The following HMGXB4 variants were observed in gnomAD, a reference collection of about 807,000 sequenced individuals.
The protein encoded by HMGXB4 is HMG-box containing 4.
A neutral mutation model predicts 63.9 loss-of-function variants in HMGXB4; 27 were observed. The observed-to-expected ratio is 0.42, with a 90% CI of 0.31 to 0.58. HMGXB4 has a LOEUF of 0.58. Among genes scored for constraint, HMGXB4 ranks in the 20% least tolerant of loss-of-function variants. The pLI, the probability that HMGXB4 is intolerant of heterozygous loss-of-function variation, is 0.13. For missense variants in HMGXB4, 624 were observed against 700.7 expected (o/e 0.89, Z 1.24); for synonymous variants, 264 against 265.3 (o/e 0.99, Z 0.05).
At chr22:35,276,470 T>C (rs574189740) in intron 5 of HMGXB4, among the ~76,000 whole-genome samples, 45 of 152,344 alleles carry the variant, frequency 3.0e-4, no homozygotes, top group South Asian at 1.0e-3. Context: ...ATATCTCCTG[T>C]CCCACTCACT....
At chr22:35,274,242 A>G (rs1173476378) in intron 5 of HMGXB4, among the ~76,000 whole-genome samples, 1 of 152,222 alleles carries the variant, frequency 6.6e-6, no homozygotes, top group East Asian at 1.9e-4. Flanking sequence ...AGGAATTATC[A>G]GGTGGAAAAT....
At position 35,265,318 on chromosome 22, in the gene HMGXB4, T is replaced by G. The variant is rs1923148261; in HGVS notation, c.930T>G (p.Asp310Glu). 6.2e-7 allele frequency: 1 copy of G among 1,613,752 alleles called. No individual in the cohort carries two copies. The highest frequency in any genetic ancestry group is 1.3e-5 in the African/African-American group (1 of 74,858). ...TAGAGGCTGGGGAGTTAGTGATAGATGATTCTTACCGAGAAATCAAGAAGA... is the reference window on the plus strand; with the variant it reads ...TAGAGGCTGGGGAGTTAGTGATAGAGGATTCTTACCGAGAAATCAAGAAGA... ...GELEAGELVI[D>E]DSYREIKKKK... Residue 310 changes from aspartate to glutamate, a missense_variant, in exon 5 of 11, where the codon GAT becomes GAG. By Grantham distance (45) the Asp-to-Glu change is conservative. Around this residue, in one of 2 missense-constraint regions of HMGXB4, gnomAD observed 472 missense variants for 470.6 expected, o/e 1.00. Transcript: ENST00000216106.
upstream of HMGXB4, among the ~76,000 whole-genome samples, chr22:35,254,518 G>T (rs1922310201): frequency 6.6e-6 from 1 of 152,236 alleles, no homozygotes; most frequent in Admixed American, 6.5e-5. Context: ...CTGTTTTAAA[G>T]AACAAGCTGT....
intron 1 of HMGXB4, chr22:35,262,097 C>T: frequency 5.7e-6 from 2 of 353,906 alleles, no homozygotes; most frequent in Non-Finnish European, 1.0e-5. Flanking sequence ...TATATACTTC[C>T]CCAAATGACA....
intron 5 of HMGXB4, among the ~76,000 whole-genome samples, chr22:35,282,263 A>G (rs2179050): frequency 0.57 from 86,596 of 151,878 alleles, 26,515 homozygotes; most frequent in Non-Finnish European, 0.69. Context: ...TGCAAGCTCC[A>G]CCTCCCGGGT....
At chr22:35,250,469 T>C in the HMGXB4 span, among the ~76,000 whole-genome samples, 1 of 152,110 alleles carries the variant, frequency 6.6e-6, no homozygotes, top group African/African-American at 2.4e-5. Context: ...TATGCATATC[T>C]AGAGAGAGAA....
chr22:35,275,110 C>CTTT (rs59290559), intron 5 of HMGXB4, among the ~76,000 whole-genome samples: 11 of 103,540 alleles, frequency 1.1e-4, no homozygotes, highest in African/African-American at 1.9e-4. Context: ...CACCAAATTT[C>CTTT]TTTTTTTTTT....
the HMGXB4 span, among the ~76,000 whole-genome samples, chr22:35,251,260 A>G: frequency 6.6e-6 from 1 of 152,048 alleles, no homozygotes; most frequent in Non-Finnish European, 1.5e-5. Context: ...TATTTTTAGT[A>G]GAGACGGGGT....
the HMGXB4 span, among the ~76,000 whole-genome samples, chr22:35,245,089 G>A: frequency 2.0e-5 from 3 of 152,072 alleles, no homozygotes; most frequent in Non-Finnish European, 2.9e-5. Context: ...GGCCAGGCTG[G>A]TCTCAAACTC....
chr22:35,264,974 C>T lies in HMGXB4; in HGVS notation c.586C>T (p.Leu196=), dbSNP rs1923108302. The T allele has an allele frequency of 1.2e-6, 2 of 1,614,094 alleles. No homozygotes were observed. Among genetic ancestry groups the T allele is most frequent in the African/African-American group, 2.7e-5 (2 of 75,032 alleles). ...EPDGLKMKLI[L]SPKEKGSSSV... ...TGATGGTTTAAAAATGAAACTTATT[C>T]TGTCACCAAAGGAGAAGGGAAGCAG... is the stretch of plus-strand genomic sequence containing the variant. The change falls in exon 5 of 11, where the codon CTG becomes TTG. Residue 196 remains leucine, a synonymous_variant. Transcript: ENST00000216106.
chr22:35,285,610 C>T (rs756527200), intron 6 of HMGXB4, among the ~76,000 whole-genome samples: 10 of 152,054 alleles, frequency 6.6e-5, no homozygotes, highest in Admixed American at 2.0e-4. Flanking sequence ...GCCTGTGGTC[C>T]CGCTACTTGG....
chr22:35,269,708 G>A (rs766979101), intron 5 of HMGXB4, among the ~76,000 whole-genome samples: 8 of 152,216 alleles, frequency 5.3e-5, no homozygotes, highest in Non-Finnish European at 1.0e-4. Context: ...AGGTGGATTA[G>A]AGTAGGGAGA....
At chr22:35,241,858 G>T in the HMGXB4 span, among the ~76,000 whole-genome samples, 2 of 152,198 alleles carry the variant, frequency 1.3e-5, no homozygotes, top group Non-Finnish European at 2.9e-5. Flanking sequence ...TGTTCTTGCA[G>T]TCGACCTGGG....
chr22:35,286,224 T>C (rs1169883357), intron 7 of HMGXB4, among the ~76,000 whole-genome samples, 163 bp downstream of exon 7: 1 of 152,248 alleles, frequency 6.6e-6, no homozygotes, highest in Non-Finnish European at 1.5e-5. Context: ...TTAGTGCCAG[T>C]TCACTGTACA....
At chr22:35,243,055 A>G in the HMGXB4 span, among the ~76,000 whole-genome samples, 1 of 152,180 alleles carries the variant, frequency 6.6e-6, no homozygotes, top group Non-Finnish European at 1.5e-5. Flanking sequence ...CCATCTTGGC[A>G]TATATTCTGT....
chr22:35,250,645 C>T, the HMGXB4 span, among the ~76,000 whole-genome samples: 6 of 118,530 alleles, frequency 5.1e-5, no homozygotes, highest in African/African-American at 1.5e-4. Flanking sequence ...ACCGGGAGGT[C>T]CTCTTGGTTC....
rs991565482 is a variant in HMGXB4, at chr22:35,293,719, C to T, written c.*68C>T. 1 of 1,147,992 alleles carries T rather than the reference C, an allele frequency of 8.7e-7. No individual in the cohort carries two copies. The highest frequency in any genetic ancestry group is 1.3e-6 in the Non-Finnish European group (1 of 765,196). The allele number at this position is 1,147,992 out of a possible 1,614,324, so 71.1% of individuals were successfully genotyped here. A position where few individuals can be genotyped will look rare whatever the true frequency, so the allele number is the denominator to read the frequency against. On this transcript the variant is annotated 3_prime_UTR_variant, in exon 11 of 11. Transcript: ENST00000216106. The stretch of plus-strand genomic sequence containing the variant: ...CTGGTTTGTGTATATATGACTGTTG[C>T]AGATTCCTTCAGTGGCCTCTGGCTG...
the HMGXB4 span, among the ~76,000 whole-genome samples, chr22:35,248,799 A>AT: frequency 7.7e-5 from 7 of 91,212 alleles, no homozygotes; most frequent in East Asian, 2.3e-3. Context: ...CTCATGAAGG[A>AT]TCCCCCCCCA....
At chr22:35,261,126 G>A (rs1364957396) in intron 1 of HMGXB4, among the ~76,000 whole-genome samples, 1 of 152,152 alleles carries the variant, frequency 6.6e-6, no homozygotes, top group Non-Finnish European at 1.5e-5. Context: ...GAAATTGCTT[G>A]TTCTTAAAAC....
Sources: allele counts gnomAD v4.1 joint callset (sites outside exome capture counted in the v4.1 genomes callset), GRCh38; gene constraint gnomAD v4.1.1; regional missense constraint gnomAD v4.1.1; transcripts MANE v1.5; gene names NCBI Gene and HGNC (gene_info 2026-07-23, HGNC 2026-07-21).